The following DST variants were observed in gnomAD, a reference collection of about 807,000 sequenced individuals.
DST encodes bullous pemphigoid antigen.
A neutral mutation model predicts 875.2 loss-of-function variants in DST; 253 were observed. The observed-to-expected ratio is 0.29, with a 90% confidence interval of 0.26 to 0.32. DST has a LOEUF of 0.32. DST is among the 10% of genes least tolerant of loss of function. The probability of loss-of-function intolerance (pLI) is 1.00; values close to 1 mark genes in which losing one functional copy is unlikely to be tolerated. For synonymous variants in DST, 3,124 were observed against 3,197.1 expected (o/e 0.98, Z 0.77); for missense variants, 8,287 against 9,111.6 (o/e 0.91, Z 3.68).
intron 52 of DST, 56 bp from the exon 53 acceptor site, chr6:56,572,322 A>G: frequency 7.7e-7 from 1 of 1,292,304 alleles, no homozygotes; most frequent in Non-Finnish European, 1.1e-6. Context: ...TTCAAATGGC[A>G]TTCCATCCAG....
At chr6:56,735,492 C>A (rs1027095205) in intron 4 of DST, among the ~76,000 whole-genome samples, 7 of 152,166 alleles carry the variant, frequency 4.6e-5, no homozygotes, top group Non-Finnish European at 5.9e-5. Context: ...CTTCCCAGTA[C>A]TGCATTTACC....
intron 4 of DST, among the ~76,000 whole-genome samples, chr6:56,849,247 C>T (rs1763735995): frequency 6.7e-6 from 1 of 150,196 alleles, no homozygotes; most frequent in Admixed American, 6.6e-5. Context: ...AGCAATTCTC[C>T]TGCCTCAGCC....
chr6:56,696,049 T>C (rs531083360), intron 9 of DST, among the ~76,000 whole-genome samples: 3 of 152,214 alleles, frequency 2.0e-5, no homozygotes. Flanking sequence ...CCATTCCAAA[T>C]AGATTTTGGT....
chr6:56,898,099 A>G (rs1270872599), intron 3 of DST, among the ~76,000 whole-genome samples: 2 of 152,160 alleles, frequency 1.3e-5, no homozygotes, highest in Non-Finnish European at 2.9e-5. Context: ...TTTCCTGCAG[A>G]TACACAGAGC....
intron 4 of DST, among the ~76,000 whole-genome samples, chr6:56,768,464 G>C (rs966522896): frequency 1.3e-5 from 2 of 152,044 alleles, no homozygotes; most frequent in Admixed American, 6.6e-5. Context: ...TTCAACAAAT[G>C]GTACTGGAAC....
chr6:56,757,329 G>T (rs2099606598), intron 4 of DST, among the ~76,000 whole-genome samples: 1 of 152,192 alleles, frequency 6.6e-6, no homozygotes, highest in Non-Finnish European at 1.5e-5. Flanking sequence ...AAGAATGGCT[G>T]AAGTTTTATG....
intron 82 of DST, among the ~76,000 whole-genome samples, chr6:56,494,452 A>G (rs1460873809): frequency 6.6e-6 from 1 of 152,148 alleles, no homozygotes; most frequent in Non-Finnish European, 1.5e-5. Flanking sequence ...AAATGCTGTC[A>G]AGAAAGCTTT....
chr6:56,589,723 AT>A (rs1489886064), intron 49 of DST, among the ~76,000 whole-genome samples: 16 of 152,324 alleles, frequency 1.1e-4, no homozygotes, highest in African/African-American at 3.8e-4. Flanking sequence ...TTATCCACTA[AT>A]TTCCCTGGAA....
rs533054671 is a variant in DST at position 56,872,830 on chromosome 6, C to G, written c.418-21226G>C. On this transcript the variant is annotated intron_variant, in intron 3 of 103. Transcript: ENST00000680361. ...CTCTTCAATACACTGATTCCCCCCCCCCTTTTTTTTTTTTTCGGATATATA... is the reference window on the plus strand; with the variant it reads ...CTCTTCAATACACTGATTCCCCCCCGCCTTTTTTTTTTTTTCGGATATATA... Among the ~76,000 whole-genome samples, 175 of 130,308 alleles carry G rather than the reference C, an allele frequency of 1.3e-3. 2 individuals are homozygous for G. Among genetic ancestry groups the G allele is most frequent in the East Asian group, 0.011 (53 of 4,744 alleles). The allele number at this position is 130,308 out of a possible 152,430, so 85.5% of individuals were successfully genotyped here.
intron 3 of DST, among the ~76,000 whole-genome samples, chr6:56,884,920 C>T (rs867482728): frequency 1.3e-5 from 2 of 152,044 alleles, no homozygotes; most frequent in South Asian, 2.1e-4. Flanking sequence ...TTAGTAGAGA[C>T]GGGGTTTCAC....
At chr6:56,907,337 G>C (rs976583395) in intron 2 of DST, among the ~76,000 whole-genome samples, 2 of 152,188 alleles carry the variant, frequency 1.3e-5, no homozygotes, top group Non-Finnish European at 2.9e-5. Context: ...CTTGCAAGTG[G>C]TTAGCTATTT....
intron 4 of DST, among the ~76,000 whole-genome samples, chr6:56,826,837 G>A (rs898931968): frequency 3.3e-5 from 5 of 152,142 alleles, no homozygotes; most frequent in African/African-American, 1.2e-4. Flanking sequence ...ATACTGCTGG[G>A]TCAAGGAGTA....
chr6:56,813,372 C>T (rs1561969318), intron 4 of DST, among the ~76,000 whole-genome samples: 1 of 146,978 alleles, frequency 6.8e-6, no homozygotes, highest in Admixed American at 6.7e-5. Flanking sequence ...TACCCTAAAA[C>T]TTAAAGTATA....
intron 3 of DST, among the ~76,000 whole-genome samples, chr6:56,852,459 C>A (rs558664843): frequency 6.6e-6 from 1 of 152,218 alleles, no homozygotes; most frequent in South Asian, 2.1e-4. Context: ...TTTGCCAAAG[C>A]ACTTTGCCTG....
chr6:56,612,299 A>C (rs904181217), intron 37 of DST, among the ~76,000 whole-genome samples: 7 of 152,202 alleles, frequency 4.6e-5, no homozygotes, highest in Non-Finnish European at 2.9e-5. Context: ...AGTGTGGGAA[A>C]GGGAGGTTAC....
intron 4 of DST, among the ~76,000 whole-genome samples, chr6:56,748,442 C>A (rs990294919): frequency 2.6e-5 from 4 of 152,156 alleles, no homozygotes; most frequent in Non-Finnish European, 4.4e-5. Flanking sequence ...ATCTATAAAA[C>A]AGAATCATAG....
chr6:56,749,910 A>C (rs2099582465), intron 4 of DST, among the ~76,000 whole-genome samples: 1 of 152,148 alleles, frequency 6.6e-6, no homozygotes, highest in Admixed American at 6.5e-5. Context: ...CAACTGCTTT[A>C]GTTACAGGAT....
At chr6:56,569,745 T>C in intron 54 of DST, 111 bp downstream of exon 54, 4 of 920,334 alleles carry the variant, frequency 4.3e-6, no homozygotes, top group South Asian at 1.7e-5. Context: ...ATACAGTACA[T>C]ATATGAGGAT....
At chr6:56,788,597 T>C (rs1316250765) in intron 4 of DST, among the ~76,000 whole-genome samples, 1 of 152,240 alleles carries the variant, frequency 6.6e-6, no homozygotes, top group Non-Finnish European at 1.5e-5. Context: ...AAATATTTTG[T>C]TACAGTGGCT....
Sources: allele counts gnomAD v4.1 joint callset (sites outside exome capture counted in the v4.1 genomes callset), GRCh38; gene constraint gnomAD v4.1.1; transcripts MANE v1.5; gene names NCBI Gene and HGNC (gene_info 2026-07-23, HGNC 2026-07-21).